The following PATL2 variants were observed in gnomAD, a reference collection of about 807,000 sequenced individuals.
The protein encoded by PATL2 is PAT1 homolog 2.
In PATL2, 73 loss-of-function variants were observed where a neutral mutation model predicts 77.0. That is an observed-to-expected ratio of 0.95 (90% CI 0.78 to 1.15). PATL2 has a LOEUF of 1.15. Ranked by LOEUF, PATL2 falls within the 50% of genes most tolerant of loss-of-function variation. The pLI, the probability that PATL2 is intolerant of heterozygous loss-of-function variation, is 0.00. For synonymous variants in PATL2, 265 were observed against 257.1 expected, an observed-to-expected ratio of 1.03 and a Z score of -0.29; for missense variants, 618 against 655.4, an observed-to-expected ratio of 0.94 and a Z score of 0.62.
chr15:44,677,564 C>T (rs1462270788), intron 3 of PATL2, among the ~76,000 whole-genome samples: 1 of 152,138 alleles, frequency 6.6e-6, no homozygotes, highest in Non-Finnish European at 1.5e-5. Flanking sequence ...AAACCCAACA[C>T]CCTCCCAAGT....
rs1487175058 is a variant in PATL2, at chr15:44,668,445, A to G, written c.1262T>C (p.Ile421Thr). The G allele has an allele frequency of 2.6e-6, 4 of 1,551,374 alleles. No homozygotes were observed. Among genetic ancestry groups the G allele is most frequent in the South Asian group, 1.2e-5 (1 of 84,048 alleles). The part of the protein sequence containing the change: ...QMLFKPLGKC[I>T]SHLTLHELLQ... ...GAGTTCGTGGAGGGTCAAGTGACTAATACATTTGCCCAGAGGTTTGAATAA... is the reference window on the plus strand; with the variant it reads ...GAGTTCGTGGAGGGTCAAGTGACTAGTACATTTGCCCAGAGGTTTGAATAA... The change falls in exon 15 of 18, where the codon ATT (isoleucine) becomes ACT (threonine). Residue 421 changes from isoleucine (I) to threonine (T), a missense_variant. Ile to Thr is a moderately conservative substitution (Grantham distance 89). Transcript: ENST00000682850.
chr15:44,668,438 G>A lies in PATL2; in HGVS notation c.1269C>T (p.His423=). The A allele has an allele frequency of 6.4e-7, 1 of 1,551,446 alleles. No homozygotes were observed. Among genetic ancestry groups the A allele is most frequent in the Non-Finnish European group, 8.7e-7 (1 of 1,146,974 alleles). ...CTTGGAGGAGTTCGTGGAGGGTCAA[G>A]TGACTAATACATTTGCCCAGAGGTT... is the stretch of plus-strand genomic sequence containing the variant. ...LFKPLGKCIS[H]LTLHELLQGL... is the part of the protein sequence containing the mutation. Residue 423 remains histidine, a synonymous_variant, in exon 15 of 18, where the codon CAC becomes CAT. Coordinates refer to ENST00000682850, the MANE Select transcript of PATL2 (RefSeq NM_001387263.1).
intron 3 of PATL2, among the ~76,000 whole-genome samples, chr15:44,704,846 C>G (rs8026532): frequency 6.6e-6 from 1 of 152,122 alleles, no homozygotes; most frequent in Non-Finnish European, 1.5e-5. Context: ...GTCTTTATTT[C>G]TCCTTCATAT....
chr15:44,668,197 C>A lies in PATL2; in HGVS notation c.1365+145G>T, dbSNP rs190902423. The A allele has an allele frequency of 1.0e-4, 112 of 1,097,298 alleles. No homozygotes were observed. The East Asian group carries it at 2.0e-3, about 20-fold the overall frequency. The allele number at this position is 1,097,298 out of a possible 1,614,324, so 68.0% of individuals were successfully genotyped here. A position where few individuals can be genotyped will look rare whatever the true frequency, so the allele number is the denominator to read the frequency against. On this transcript the variant is annotated intron_variant, in intron 15 of 17. Coordinates refer to ENST00000682850, the MANE Select transcript of PATL2 (RefSeq NM_001387263.1). ...CCAAGGAGCTGGGTTTAATAAGCTT[C>A]CAGGTGATCATGTGCTTACTAGAAA...
intron 3 of PATL2, among the ~76,000 whole-genome samples, chr15:44,694,262 G>T (rs1435370232): frequency 6.6e-6 from 1 of 152,132 alleles, no homozygotes; most frequent in African/African-American, 2.4e-5. Context: ...TGAGCAGAGG[G>T]GCAGTCCCAC....
At chr15:44,687,270 G>A (rs897945934) in intron 3 of PATL2, among the ~76,000 whole-genome samples, 8 of 152,114 alleles carry the variant, frequency 5.3e-5, no homozygotes, top group African/African-American at 1.9e-4. Context: ...ATCGATTAAC[G>A]TAATCCATCA....
At chr15:44,690,387 G>C (rs1309659490) in intron 3 of PATL2, among the ~76,000 whole-genome samples, 1 of 150,724 alleles carries the variant, frequency 6.6e-6, no homozygotes, top group African/African-American at 2.4e-5. Flanking sequence ...TGCCAAGGCT[G>C]GAGGGCAATG....
chr15:44,676,824 G>A, intron 3 of PATL2: 1 of 1,137,464 alleles, frequency 8.8e-7, no homozygotes, highest in Non-Finnish European at 1.1e-6. Flanking sequence ...GACATCACCA[G>A]TCACCGTCCG....
chr15:44,691,904 T>TAGAG (rs1195980343), intron 3 of PATL2, among the ~76,000 whole-genome samples: 2 of 151,834 alleles, frequency 1.3e-5, no homozygotes, highest in East Asian at 3.9e-4. Context: ...CCTTATTTTA[T>TAGAG]AGAGGGAGGA....
intron 6 of PATL2, 66 bp from the exon 7 acceptor site, chr15:44,673,443 G>A: frequency 6.5e-7 from 1 of 1,528,668 alleles, no homozygotes; most frequent in Middle Eastern, 1.7e-4. Context: ...CTCTTGTTGT[G>A]AGGGCTCAGT....
intron 16 of PATL2, 145 bp from the exon 17 acceptor site, chr15:44,666,686 T>C (rs892524859): frequency 2.9e-5 from 24 of 820,022 alleles, no homozygotes; most frequent in African/African-American, 7.0e-5. Flanking sequence ...GCATGTTTGG[T>C]ACGTGCCAAG....
intron 11 of PATL2, 47 bp downstream of exon 11, chr15:44,669,730 T>C: frequency 6.5e-7 from 1 of 1,543,622 alleles, no homozygotes. Context: ...TTCTAGACCC[T>C]TCTTCCAAAG....
Position 44,693,794 on chromosome 15 carries a change from A to G in PATL2, c.-76+16302T>C, listed in dbSNP as rs114415504. On this transcript the variant is annotated intron_variant, in intron 3 of 17. Coordinates refer to ENST00000682850, the MANE Select transcript of PATL2 (RefSeq NM_001387263.1). Reference sequence around the variant, plus strand: ...TGCAACCTTGGCTCACTTCAATCGCACTTCAAGCGGTTTTCCTGCCTCAGC... The same window carrying G: ...TGCAACCTTGGCTCACTTCAATCGCGCTTCAAGCGGTTTTCCTGCCTCAGC... 7.1e-3 allele frequency among the ~76,000 whole-genome samples: 1,068 copies of G among 151,014 alleles called. 16 individuals carry two copies. Among genetic ancestry groups the G allele is most frequent in the African/African-American group, 0.025 (1,019 of 41,106 alleles).
At chr15:44,676,959 T>TC (rs2085990640) in intron 3 of PATL2, 1 of 995,312 alleles carries the variant, frequency 1.0e-6, no homozygotes, top group Non-Finnish European at 1.2e-6. Context: ...TCCCAGCTCC[T>TC]CCCCTGCTCA....
intron 3 of PATL2, among the ~76,000 whole-genome samples, chr15:44,692,895 G>A (rs2086423098): frequency 6.6e-6 from 1 of 152,242 alleles, no homozygotes; most frequent in South Asian, 2.1e-4. Context: ...CTCATGTGAT[G>A]TGCTGGGCCC....
At position 44,676,401 on chromosome 15, in the gene PATL2, C is replaced by A. The variant is rs1332785072; in HGVS notation, c.16+74G>T. On this transcript the variant is annotated intron_variant, in intron 4 of 17. Transcript: ENST00000682850. ...TTCCAGTGACTCTGGACATCCAATCCCATATGTGAAACAGACCAGCAACCT... is the reference window on the plus strand; with the variant it reads ...TTCCAGTGACTCTGGACATCCAATCACATATGTGAAACAGACCAGCAACCT... 4 of 1,292,634 alleles carry A rather than the reference C, an allele frequency of 3.1e-6. No homozygotes were observed. The African/African-American group carries it at 5.9e-5, about 19-fold the overall frequency. The allele number at this position is 1,292,634 out of a possible 1,614,324, so 80.1% of individuals were successfully genotyped here.
chr15:44,690,134 A>C (rs1007033445), intron 3 of PATL2, among the ~76,000 whole-genome samples: 1 of 152,098 alleles, frequency 6.6e-6, no homozygotes, highest in Non-Finnish European at 1.5e-5. Flanking sequence ...GGTTGCCATG[A>C]GCTGAGATAG....
At chr15:44,680,139 G>A (rs1431542558) in intron 3 of PATL2, among the ~76,000 whole-genome samples, 1 of 152,166 alleles carries the variant, frequency 6.6e-6, no homozygotes. Flanking sequence ...GCCTTTATGA[G>A]TTTCCCTTCA....
At chr15:44,675,980 G>C (rs2085936544) in intron 4 of PATL2, 1 of 426,408 alleles carries the variant, frequency 2.3e-6, no homozygotes, top group Non-Finnish European at 4.2e-6. Context: ...CCAGGAGTTT[G>C]AGATCAGCCT....
Sources: gnomAD v4.1 joint callset for allele counts (sites outside exome capture counted in the v4.1 genomes callset) on GRCh38, gnomAD v4.1.1 for gene constraint, MANE v1.5 for transcripts, NCBI Gene and HGNC (gene_info 2026-07-23, HGNC 2026-07-21) for gene names.